PPARGC1A: variants seen among roughly 807,000 people sequenced by gnomAD.
PPARGC1A encodes the protein PPARG coactivator 1 alpha, also known as peroxisome proliferator-activated receptor gamma coactivator 1-alpha.
PPARGC1A carries 25 observed loss-of-function variants against 88.7 expected under a neutral mutation model. The ratio of observed to expected loss-of-function variants is 0.28; its 90% CI spans 0.21 to 0.39. The LOEUF (loss-of-function observed/expected upper bound fraction) is 0.39, where lower values mean the gene tolerates loss of function less well. Ranked by LOEUF, PPARGC1A falls within the 10% of genes least tolerant of loss-of-function variation. PPARGC1A has a pLI of 1.00. For missense variants in PPARGC1A, 880 were observed against 968.7 expected (o/e 0.91, Z 1.22); for synonymous variants, 363 against 355.6 (o/e 1.02, Z -0.24).
chr4:23,924,368 CTGTAA>C, the PPARGC1A span, among the ~76,000 whole-genome samples: 1 of 152,184 alleles, frequency 6.6e-6, no homozygotes, highest in Admixed American at 6.5e-5. Context: ...TGCCTCGTGT[CTGTAA>C]TCCTAGCACT....
the PPARGC1A span, among the ~76,000 whole-genome samples, chr4:24,472,211 G>A: frequency 6.6e-6 from 1 of 152,108 alleles, no homozygotes; most frequent in Non-Finnish European, 1.5e-5. The surrounding 1 kb of genome is among the most constrained non-coding windows in gnomAD (Gnocchi z 4.5). Flanking sequence ...GGGGAAGGGG[G>A]GGTATCTCCT....
chr4:24,062,574 C>A, the PPARGC1A span, among the ~76,000 whole-genome samples: 35 of 152,186 alleles, frequency 2.3e-4, no homozygotes, highest in African/African-American at 8.2e-4. Context: ...TCCAACTAGC[C>A]TGGGGGCCCC....
At chr4:24,050,194 C>CTTTTTTTTTT in the PPARGC1A span, among the ~76,000 whole-genome samples, 9 of 127,808 alleles carry the variant, frequency 7.0e-5, 3 homozygotes, top group Non-Finnish European at 3.2e-5. Flanking sequence ...CTTAGGTGAC[C>CTTTTTTTTTT]TTTTGTTTTT....
intron 2 of PPARGC1A, among the ~76,000 whole-genome samples, chr4:23,838,212 G>A (rs1039824092): frequency 1.3e-5 from 2 of 151,656 alleles, no homozygotes; most frequent in Non-Finnish European, 2.9e-5. Context: ...TTCCCTCTTC[G>A]TTATCTTTCT....
chr4:23,919,109 C>T, the PPARGC1A span, among the ~76,000 whole-genome samples: 1 of 152,022 alleles, frequency 6.6e-6, no homozygotes, highest in Non-Finnish European at 1.5e-5. Context: ...TGGATAGGTC[C>T]TATTTTTGAA....
chr4:23,857,373 G>GTGTATGT (rs148212399), intron 2 of PPARGC1A, among the ~76,000 whole-genome samples: 2 of 104,446 alleles, frequency 1.9e-5, no homozygotes, highest in East Asian at 5.5e-4. Context: ...GTGTGTGTGT[G>GTGTATGT]ACACACACAC....
chr4:23,864,748 G>A (rs892674209), intron 2 of PPARGC1A, among the ~76,000 whole-genome samples: 4 of 152,208 alleles, frequency 2.6e-5, no homozygotes, highest in African/African-American at 9.6e-5. Flanking sequence ...GGTGTGTGCT[G>A]TATTGCAGAG....
chr4:24,228,066 A>T, the PPARGC1A span, among the ~76,000 whole-genome samples: 1 of 152,104 alleles, frequency 6.6e-6, no homozygotes, highest in Non-Finnish European at 1.5e-5. Flanking sequence ...CATCTCGGGC[A>T]CCAGCTACTC....
At chr4:23,854,645 G>A (rs2148678968) in intron 2 of PPARGC1A, among the ~76,000 whole-genome samples, 1 of 152,180 alleles carries the variant, frequency 6.6e-6, no homozygotes, top group East Asian at 1.9e-4. Context: ...TTTTTATACT[G>A]AAAATAAACA....
At chr4:24,125,008 GAATT>G in the PPARGC1A span, among the ~76,000 whole-genome samples, 8 of 152,044 alleles carry the variant, frequency 5.3e-5, no homozygotes, top group Admixed American at 2.6e-4. Flanking sequence ...CATGGGATAA[GAATT>G]AATCCAGGAA....
At chr4:24,342,206 T>G in the PPARGC1A span, among the ~76,000 whole-genome samples, 29 of 152,224 alleles carry the variant, frequency 1.9e-4, no homozygotes, top group Admixed American at 4.6e-4. Flanking sequence ...TGACTGAACT[T>G]CTGCTTATTG....
chr4:24,342,381 T>C, the PPARGC1A span, among the ~76,000 whole-genome samples: 1 of 152,200 alleles, frequency 6.6e-6, no homozygotes, highest in Non-Finnish European at 1.5e-5. Flanking sequence ...ATGAGAAAAC[T>C]GAGGCTAATA....
At chr4:24,275,012 A>C in the PPARGC1A span, among the ~76,000 whole-genome samples, 1 of 152,234 alleles carries the variant, frequency 6.6e-6, no homozygotes, top group Non-Finnish European at 1.5e-5. Flanking sequence ...TACACCAATC[A>C]GATGAAAAAG....
At chr4:24,236,764 T>A in the PPARGC1A span, among the ~76,000 whole-genome samples, 1 of 152,214 alleles carries the variant, frequency 6.6e-6, no homozygotes, top group Non-Finnish European at 1.5e-5. Flanking sequence ...CACTCTTAAA[T>A]AAGCCCAGGA....
chr4:24,093,277 C>T, the PPARGC1A span, among the ~76,000 whole-genome samples: 3 of 152,204 alleles, frequency 2.0e-5, no homozygotes, highest in Non-Finnish European at 4.4e-5. Context: ...GCTGTTTTGA[C>T]AATCATACCT....
upstream of PPARGC1A, among the ~76,000 whole-genome samples, chr4:23,908,346 AG>A (rs1720317367): frequency 6.6e-6 from 1 of 152,208 alleles, no homozygotes; most frequent in African/African-American, 2.4e-5. Flanking sequence ...TATGTACTGA[AG>A]CTTTCTTTGA....
chr4:24,399,791 CT>C, the PPARGC1A span, among the ~76,000 whole-genome samples: 694 of 141,452 alleles, frequency 4.9e-3, 3 homozygotes, highest in African/African-American at 0.012. Flanking sequence ...AAGGAATCTC[CT>C]TTTTTTTTTT....
the PPARGC1A span, among the ~76,000 whole-genome samples, chr4:24,394,760 A>T: frequency 3.3e-5 from 5 of 152,218 alleles, no homozygotes; most frequent in Non-Finnish European, 7.3e-5. Context: ...TTTATATGCC[A>T]CTAAGAAAGA....
chr4:24,384,209 G>A, the PPARGC1A span, among the ~76,000 whole-genome samples: 1 of 152,154 alleles, frequency 6.6e-6, no homozygotes, highest in Non-Finnish European at 1.5e-5. Flanking sequence ...CACCAGGTCT[G>A]CCTTACAAGA....
Sources: gnomAD v4.1 joint callset for allele counts (sites outside exome capture counted in the v4.1 genomes callset) on GRCh38, gnomAD v4.1.1 for gene constraint, Gnocchi (gnomAD v3.1) non-coding constraint, MANE v1.5 for transcripts, NCBI Gene and HGNC (gene_info 2026-07-23, HGNC 2026-07-21) for gene names.